The following EVL variants were observed in gnomAD, a reference collection of about 807,000 sequenced individuals.
EVL encodes the protein Enah/Vasp-like.
Under a neutral mutation model 59.6 loss-of-function variants are expected in EVL, and 21 were observed. The observed-to-expected ratio is 0.35, with a 90% confidence interval of 0.25 to 0.51. EVL has a LOEUF of 0.51. Among genes scored for constraint, EVL ranks in the 20% least tolerant of loss-of-function variants. The probability of loss-of-function intolerance (pLI) is 0.97; values close to 1 mark genes in which losing one functional copy is unlikely to be tolerated. For synonymous variants in EVL, 198 were observed against 203.5 expected (o/e 0.97, Z 0.23); for missense variants, 462 against 546.6 (o/e 0.85, Z 1.54).
intron 1 of EVL, among the ~76,000 whole-genome samples, chr14:100,073,390 C>T (rs56022633): frequency 0.016 from 2,338 of 149,564 alleles, 66 homozygotes; most frequent in African/African-American, 0.055. Context: ...GGTGCAAACA[C>T]GGTTCACTGC....
At chr14:100,042,404 C>T (rs73347818) in intron 1 of EVL, among the ~76,000 whole-genome samples, 3 of 152,256 alleles carry the variant, frequency 2.0e-5, no homozygotes, top group Admixed American at 1.3e-4. Context: ...TCCAGACTTA[C>T]GTGATATTCT....
At chr14:100,047,114 CTCTCTTTTTTTTT>C (rs1310286853) in intron 1 of EVL, among the ~76,000 whole-genome samples, 20 of 95,110 alleles carry the variant, frequency 2.1e-4, no homozygotes, top group African/African-American at 3.7e-4. Flanking sequence ...GCAGATCTCT[CTCTCTTTTTTTTT>C]TTTTTTTTTT....
chr14:100,088,798 G>T (rs2062502025), intron 2 of EVL, among the ~76,000 whole-genome samples: 1 of 152,018 alleles, frequency 6.6e-6, no homozygotes, highest in African/African-American at 2.4e-5. Flanking sequence ...GTAATTATGG[G>T]CTCCTATGCA....
At chr14:100,038,086 G>A (rs1453499851) in intron 1 of EVL, among the ~76,000 whole-genome samples, 1 of 152,194 alleles carries the variant, frequency 6.6e-6, no homozygotes, top group Non-Finnish European at 1.5e-5. Flanking sequence ...AGGGGAAAGT[G>A]TAGACTAAGG....
At chr14:100,018,449 T>C (rs968981518) in intron 1 of EVL, among the ~76,000 whole-genome samples, 4 of 152,232 alleles carry the variant, frequency 2.6e-5, no homozygotes, top group African/African-American at 9.6e-5. Flanking sequence ...TGAAAGACTT[T>C]ATTTCTTGAG....
intron 1 of EVL, among the ~76,000 whole-genome samples, chr14:100,035,493 G>T (rs1407260043): frequency 2.0e-5 from 3 of 151,300 alleles, no homozygotes; most frequent in African/African-American, 7.3e-5. Flanking sequence ...ATTAAGAATT[G>T]TCAGGAAGAG....
At chr14:100,038,276 A>G (rs1427812604) in intron 1 of EVL, among the ~76,000 whole-genome samples, 2 of 152,260 alleles carry the variant, frequency 1.3e-5, no homozygotes, top group Non-Finnish European at 2.9e-5. Context: ...CAGAATTGCT[A>G]AGCATGGACA....
intron 1 of EVL, among the ~76,000 whole-genome samples, chr14:99,992,689 T>G (rs2060883489): frequency 6.6e-6 from 1 of 152,228 alleles, no homozygotes; most frequent in Admixed American, 6.5e-5. Context: ...AGTCTGTCTT[T>G]TCTTCATTGT....
At chr14:100,028,130 G>GTTTTTTGTTT (rs756735010) in intron 1 of EVL, among the ~76,000 whole-genome samples, 84 of 99,572 alleles carry the variant, frequency 8.4e-4, no homozygotes, top group East Asian at 5.9e-3. Context: ...TTTTTTGTTT[G>GTTTTTTGTTT]TTTGTTTTTT....
At chr14:100,021,990 T>C (rs928660614) in intron 1 of EVL, among the ~76,000 whole-genome samples, 2 of 152,214 alleles carry the variant, frequency 1.3e-5, no homozygotes, top group African/African-American at 4.8e-5. Flanking sequence ...TCGGTGCCGC[T>C]ATGAACTAAC....
chr14:100,129,832 C>T, intron 7 of EVL, 148 bp downstream of exon 7: 4 of 1,249,896 alleles, frequency 3.2e-6, no homozygotes, highest in Non-Finnish European at 4.3e-6. Context: ...TTAAGTTTTC[C>T]CTTCCCAAGG....
At position 100,038,095 on chromosome 14, in the gene EVL, G is replaced by A. The variant is rs1205165750; in HGVS notation, c.6-46592G>A. On this transcript the variant is annotated intron_variant, in intron 1 of 13. Coordinates refer to the EVL transcript ENST00000402714. Reference sequence around the variant, plus strand: ...TCAGTGAGGGGAAAGTGTAGACTAAGGAAAGCTGAAATCATCCTGGGTAGG... The same window carrying A: ...TCAGTGAGGGGAAAGTGTAGACTAAAGAAAGCTGAAATCATCCTGGGTAGG... 3.3e-5 allele frequency among the ~76,000 whole-genome samples: 5 copies of A among 152,176 alleles called. No homozygotes were observed. The East Asian group carries it at 7.7e-4, about 23-fold the overall frequency.
intron 2 of EVL, among the ~76,000 whole-genome samples, chr14:100,092,222 A>G (rs72711940): frequency 0.064 from 9,802 of 152,198 alleles, 489 homozygotes; most frequent in East Asian, 0.27. Context: ...AGTGTGGGTA[A>G]CAGAATGAGA....
At chr14:100,076,299 C>T (rs971063161) in intron 1 of EVL, among the ~76,000 whole-genome samples, 4 of 152,194 alleles carry the variant, frequency 2.6e-5, no homozygotes, top group Non-Finnish European at 5.9e-5. Flanking sequence ...GCCTCAGGTC[C>T]AGCAGAGCAA....
intron 3 of EVL, chr14:100,106,960 G>A (rs1886608027): frequency 2.5e-6 from 1 of 398,714 alleles, no homozygotes; most frequent in Non-Finnish European, 4.4e-6. Flanking sequence ...TGTGGTGGGA[G>A]CAGCTTGGTC....
At chr14:100,091,780 A>C (rs1279877839) in intron 2 of EVL, among the ~76,000 whole-genome samples, 3 of 152,164 alleles carry the variant, frequency 2.0e-5, no homozygotes. Context: ...ACAAGTCACA[A>C]CCTGCACTTG....
At chr14:100,068,987 C>T (rs1438023355) in intron 1 of EVL, among the ~76,000 whole-genome samples, 3 of 152,116 alleles carry the variant, frequency 2.0e-5, no homozygotes, top group Non-Finnish European at 4.4e-5. Flanking sequence ...TGGGTTTTTC[C>T]GAAGCACGTA....
chr14:100,046,377 G>A (rs1456629818), intron 1 of EVL, among the ~76,000 whole-genome samples: 2 of 152,158 alleles, frequency 1.3e-5, no homozygotes, highest in African/African-American at 4.8e-5. Context: ...TAAGAATTTT[G>A]ACAAATAGAC....
At chr14:100,141,538 G>A (rs1002194814) in intron 12 of EVL, among the ~76,000 whole-genome samples, 198 bp from the exon 13 acceptor site, 1 of 152,226 alleles carries the variant, frequency 6.6e-6, no homozygotes, top group African/African-American at 2.4e-5. Flanking sequence ...CTACCTGAGG[G>A]AGGTGGCAGC....
Sources: allele counts gnomAD v4.1 joint callset (sites outside exome capture counted in the v4.1 genomes callset), GRCh38; gene constraint gnomAD v4.1.1; transcripts MANE v1.5; gene names NCBI Gene and HGNC (gene_info 2026-07-23, HGNC 2026-07-21).